Variants in SEMA6D observed in about 807,000 individuals in gnomAD.
The protein encoded by SEMA6D is semaphorin 6D.
A neutral mutation model predicts 106.6 loss-of-function variants in SEMA6D; 35 were observed. The ratio of observed to expected loss-of-function variants is 0.33; its 90% confidence interval spans 0.25 to 0.44. SEMA6D has a LOEUF of 0.44. Among genes scored for constraint, SEMA6D ranks in the 20% least tolerant of loss-of-function variants. SEMA6D has a pLI of 1.00. For synonymous variants in SEMA6D, 499 were observed against 487.7 expected (o/e 1.02, Z -0.31); for missense variants, 1,185 against 1,345.9 (o/e 0.88, Z 1.87).
chr15:47,317,102 A>G (rs1309987703), intron 1 of SEMA6D, among the ~76,000 whole-genome samples: 1 of 152,120 alleles, frequency 6.6e-6, no homozygotes, highest in Non-Finnish European at 1.5e-5. Flanking sequence ...ATAGGCCTGT[A>G]TGATTGTCTA....
chr15:47,185,233 C>G (rs1595709624), intron 1 of SEMA6D, among the ~76,000 whole-genome samples: 2 of 152,240 alleles, frequency 1.3e-5, no homozygotes, highest in African/African-American at 4.8e-5. Flanking sequence ...AAAGGCTTGC[C>G]CATTTTAGAA....
At chr15:47,630,277 G>A (rs151308780) in intron 4 of SEMA6D, among the ~76,000 whole-genome samples, 1 of 151,756 alleles carries the variant, frequency 6.6e-6, no homozygotes, top group African/African-American at 2.4e-5. Flanking sequence ...TCTCATTGTT[G>A]TGATTTGTTT....
intron 3 of SEMA6D, among the ~76,000 whole-genome samples, chr15:47,568,096 G>A (rs1339215220): frequency 6.7e-6 from 1 of 150,184 alleles, no homozygotes; most frequent in East Asian, 2.0e-4. Flanking sequence ...ATCAAAGCTT[G>A]TATACACTGC....
At chr15:47,321,126 A>G (rs1313491528) in intron 1 of SEMA6D, among the ~76,000 whole-genome samples, 1 of 152,224 alleles carries the variant, frequency 6.6e-6, no homozygotes, top group Non-Finnish European at 1.5e-5. Flanking sequence ...ATAAAAATTA[A>G]TATGAAATAT....
chr15:47,562,168 A>G (rs963491940), intron 3 of SEMA6D, among the ~76,000 whole-genome samples: 1 of 152,090 alleles, frequency 6.6e-6, no homozygotes, highest in Non-Finnish European at 1.5e-5. Context: ...GATTTTCAAC[A>G]GCAGCACAAA....
intron 4 of SEMA6D, among the ~76,000 whole-genome samples, chr15:47,642,575 A>G (rs1382166272): frequency 1.3e-5 from 2 of 152,144 alleles, no homozygotes; most frequent in Admixed American, 6.5e-5. Context: ...GCTTGCACAC[A>G]TCTAGATAGG....
At chr15:47,232,670 C>T (rs2032282510) in intron 1 of SEMA6D, among the ~76,000 whole-genome samples, 1 of 151,782 alleles carries the variant, frequency 6.6e-6, no homozygotes, top group Non-Finnish European at 1.5e-5. Flanking sequence ...TTTTTTCACA[C>T]TATTGCTGGC....
intron 1 of SEMA6D, among the ~76,000 whole-genome samples, chr15:47,729,733 A>C (rs1421402741): frequency 6.6e-6 from 1 of 151,924 alleles, no homozygotes; most frequent in Non-Finnish European, 1.5e-5. Flanking sequence ...TCCCTCCCTC[A>C]CTCTCTTACC....
At chr15:47,424,901 A>C (rs1226579017) in intron 2 of SEMA6D, among the ~76,000 whole-genome samples, 1 of 152,088 alleles carries the variant, frequency 6.6e-6, no homozygotes, top group Non-Finnish European at 1.5e-5. Context: ...TTAATCTGGG[A>C]GAGGGAGGTG....
rs1208849790 is a variant in SEMA6D at position 47,746,982 on chromosome 15, G to GTATATATATA, written c.-54-12762_-54-12761insATATATATAT. 1.6e-3 allele frequency among the ~76,000 whole-genome samples: 141 copies of GTATATATATA among 89,852 alleles called. 1 individual carries two copies. Among genetic ancestry groups the GTATATATATA allele is most frequent in the South Asian group, 8.1e-3 (23 of 2,838 alleles). 58.9% of individuals were successfully genotyped at this position (89,852 alleles called of 152,430 possible). On this transcript the variant is annotated intron_variant, in intron 1 of 18. Transcript: ENST00000536845. ...CAACAGTCTCCTGCTGTGTGTGTGT[G>GTATATATATA]TGTATATATATATATATATATTTCG...
intron 4 of SEMA6D, among the ~76,000 whole-genome samples, chr15:47,631,241 G>A (rs540588737): frequency 6.6e-6 from 1 of 151,938 alleles, no homozygotes; most frequent in South Asian, 2.1e-4. Flanking sequence ...TCTTTAGGGA[G>A]CTTTTAAATT....
chr15:47,542,756 G>A (rs1005891897), intron 3 of SEMA6D, among the ~76,000 whole-genome samples: 4 of 152,132 alleles, frequency 2.6e-5, no homozygotes, highest in African/African-American at 4.8e-5. Context: ...AAAAGCACTC[G>A]TGTGGCTTTG....
At chr15:47,503,873 C>T (rs182539941) in intron 3 of SEMA6D, among the ~76,000 whole-genome samples, 48 of 152,218 alleles carry the variant, frequency 3.2e-4, no homozygotes, top group East Asian at 3.1e-3. Context: ...ACCAAAAGGC[C>T]GAGAGAGAGA....
chr15:47,709,880 C>G (rs1314394748), intron 4 of SEMA6D, among the ~76,000 whole-genome samples: 1 of 127,016 alleles, frequency 7.9e-6, no homozygotes. Context: ...TAAAAACTGG[C>G]AAAAAAAAAA....
chr15:47,194,103 A>ATGGATGGG (rs1372774633), intron 1 of SEMA6D, among the ~76,000 whole-genome samples: 24 of 150,746 alleles, frequency 1.6e-4, no homozygotes, highest in Non-Finnish European at 2.5e-4. Flanking sequence ...GGGTGGATGG[A>ATGGATGGG]TGGATGGGTG....
At chr15:47,188,290 T>G (rs1316175839) in intron 1 of SEMA6D, among the ~76,000 whole-genome samples, 1 of 152,188 alleles carries the variant, frequency 6.6e-6, no homozygotes, top group Non-Finnish European at 1.5e-5. Flanking sequence ...AATACTAAAT[T>G]TAGTCTTCTC....
intron 1 of SEMA6D, among the ~76,000 whole-genome samples, chr15:47,278,577 G>C (rs1435297325): frequency 1.3e-5 from 2 of 152,136 alleles, no homozygotes; most frequent in African/African-American, 4.8e-5. Context: ...TGTTCAATCT[G>C]ATGGTAGTTT....
chr15:47,384,450 G>C (rs1159090970), intron 1 of SEMA6D, among the ~76,000 whole-genome samples: 1 of 152,108 alleles, frequency 6.6e-6, no homozygotes, highest in Non-Finnish European at 1.5e-5. Flanking sequence ...AGGATTTCTC[G>C]GCAAGCTGAC....
intron 4 of SEMA6D, among the ~76,000 whole-genome samples, chr15:47,679,206 A>T (rs2078301325): frequency 6.6e-6 from 1 of 152,208 alleles, no homozygotes; most frequent in Non-Finnish European, 1.5e-5. Context: ...ATGAGATTAA[A>T]ACATTGGATT....
Sources: allele counts gnomAD v4.1 joint callset (sites outside exome capture counted in the v4.1 genomes callset), GRCh38; gene constraint gnomAD v4.1.1; transcripts MANE v1.5; gene names NCBI Gene and HGNC (gene_info 2026-07-23, HGNC 2026-07-21).